ZEB2: variants seen among roughly 807,000 people sequenced by gnomAD.
ZEB2 encodes zinc finger E-box-binding homeobox 2.
Under a neutral mutation model 99.9 loss-of-function variants are expected in ZEB2, and 6 were observed. The ratio of observed to expected loss-of-function variants is 0.06; its 90% CI spans 0.03 to 0.12. The LOEUF (loss-of-function observed/expected upper bound fraction) is 0.12. Ranked by LOEUF, ZEB2 falls within the 10% of genes least tolerant of loss-of-function variation. The pLI is 1.00. For missense variants in ZEB2, 969 were observed against 1,502.8 expected, an observed-to-expected ratio of 0.64 and a Z score of 5.87; for synonymous variants, 517 against 542.5, an observed-to-expected ratio of 0.95 and a Z score of 0.65.
intron 4 of ZEB2, among the ~76,000 whole-genome samples, chr2:144,406,132 A>ACTAATTCT (rs909098549): frequency 6.6e-6 from 1 of 152,030 alleles, no homozygotes; most frequent in African/African-American, 2.4e-5. Context: ...CTCTTTGGCA[A>ACTAATTCT]CTGTGGCAGG....
Position 144,409,003 on chromosome 2 carries a change from T to C in ZEB2, c.404-3979A>G, listed in dbSNP as rs1431741318. 2.6e-5 allele frequency among the ~76,000 whole-genome samples: 4 copies of C among 152,122 alleles called. No individual in the cohort carries two copies. The East Asian group carries it at 5.8e-4, about 22-fold the overall frequency. On this transcript the variant is annotated intron_variant, in intron 4 of 9. Transcript: ENST00000627532. ...GGAATGAAGGAATTGTTATTTTCCA[T>C]CTAGAAAAAGAAGATTTATGAAGAG...
At chr2:144,404,783 T>C (rs1304284335) in intron 5 of ZEB2, 53 bp downstream of exon 5, 7 of 1,588,474 alleles carry the variant, frequency 4.4e-6, no homozygotes, top group Non-Finnish European at 5.2e-6. Flanking sequence ...GCATTTGTAA[T>C]TGTAACAGCT....
chr2:144,478,513 T>C (rs1401061889), intron 2 of ZEB2, among the ~76,000 whole-genome samples: 3 of 152,216 alleles, frequency 2.0e-5, no homozygotes, highest in Non-Finnish European at 4.4e-5. Flanking sequence ...AGCCTAACTT[T>C]CTTTAGGTTT....
At chr2:144,441,373 T>A (rs67710699) in intron 2 of ZEB2, among the ~76,000 whole-genome samples, 12,692 of 152,098 alleles carry the variant, frequency 0.083, 608 homozygotes, top group South Asian at 0.17. Flanking sequence ...CACTATTGAG[T>A]TCATCTGTGT....
chr2:144,429,455 G>A (rs1053526610), intron 3 of ZEB2: 4 of 369,040 alleles, frequency 1.1e-5, no homozygotes, highest in African/African-American at 8.3e-5. Context: ...TGAAAGTATA[G>A]ATCTTGATCA....
At chr2:144,519,721 GGA>G (rs1705234745) in intron 1 of ZEB2, 4 of 319,128 alleles carry the variant, frequency 1.3e-5, no homozygotes, top group South Asian at 2.6e-5. Context: ...AGAAAAGCAA[GGA>G]GAGAGAGTGT....
intron 2 of ZEB2, among the ~76,000 whole-genome samples, chr2:144,436,576 G>A (rs753080881): frequency 1.3e-5 from 2 of 152,206 alleles, no homozygotes; most frequent in Non-Finnish European, 2.9e-5. Flanking sequence ...GAAGATGGCA[G>A]CCACTCATTC....
intron 2 of ZEB2, among the ~76,000 whole-genome samples, chr2:144,472,987 GA>G (rs1011642189): frequency 1.3e-5 from 2 of 151,322 alleles, no homozygotes; most frequent in Non-Finnish European, 3.0e-5. Flanking sequence ...ATAGACAAGA[GA>G]AAAAAAAATT....
chr2:144,437,813 C>T (rs1256930783), intron 2 of ZEB2, among the ~76,000 whole-genome samples: 2 of 152,134 alleles, frequency 1.3e-5, no homozygotes, highest in Non-Finnish European at 2.9e-5. Flanking sequence ...AAAGGTTACA[C>T]AACTTTCAAA....
At chr2:144,513,755 G>A in intron 2 of ZEB2, 1 of 1,536,126 alleles carries the variant, frequency 6.5e-7, no homozygotes, top group Non-Finnish European at 8.7e-7. Context: ...GCAAGCAGCA[G>A]CAGGGCATCT....
intron 9 of ZEB2, among the ~76,000 whole-genome samples, chr2:144,393,692 C>T (rs1560603799): frequency 6.6e-6 from 1 of 152,134 alleles, no homozygotes. Flanking sequence ...GAACCTAATA[C>T]ACTGACAGTA....
chr2:144,478,188 T>C (rs1704457135), intron 2 of ZEB2, among the ~76,000 whole-genome samples: 1 of 152,196 alleles, frequency 6.6e-6, no homozygotes, highest in South Asian at 2.1e-4. Context: ...AAATACCTTA[T>C]TCATGACGGA....
At position 144,389,446 on chromosome 2, in the gene ZEB2, G is replaced by A; in HGVS notation, c.*5C>T. The A allele has an allele frequency of 6.2e-7, 1 of 1,614,048 alleles. No homozygotes were observed. Among genetic ancestry groups the A allele is most frequent in the Non-Finnish European group, 8.5e-7 (1 of 1,179,994 alleles). The stretch of plus-strand genomic sequence containing the variant: ...AAAATAGGAAGCTTAAAATGCAGTA[G>A]TTTATTACATGCCATCTTCCATATT... On this transcript the variant is annotated 3_prime_UTR_variant, in exon 10 of 10. Transcript: ENST00000627532. The surrounding 1 kb of genome is among the most constrained non-coding windows in gnomAD (Gnocchi z 6.8).
chr2:144,478,240 A>G (rs1560641342), intron 2 of ZEB2, among the ~76,000 whole-genome samples: 1 of 152,252 alleles, frequency 6.6e-6, no homozygotes, highest in Non-Finnish European at 1.5e-5. Context: ...AGGTGGCCTC[A>G]GAAGTGTTTA....
chr2:144,501,217 A>G lies in ZEB2; in HGVS notation c.73+16061T>C, dbSNP rs1231595437. Among the ~76,000 whole-genome samples, 4 of 152,294 alleles carry G rather than the reference A, an allele frequency of 2.6e-5. No homozygotes were observed. In the East Asian group the frequency reaches 5.8e-4, roughly 22 times the overall value. On this transcript the variant is annotated intron_variant, in intron 2 of 9. Coordinates refer to ENST00000627532, the MANE Select transcript of ZEB2 (RefSeq NM_014795.4). ...CTAGCCTAATGTCACACCCACTCCC[A>G]ATCTCAGGAACTTTCTCCATTAATA...
chr2:144,517,443 T>C, intron 1 of ZEB2, 24 bp from the exon 2 acceptor site: 1 of 1,495,234 alleles, frequency 6.7e-7, no homozygotes, highest in Non-Finnish European at 9.3e-7. Flanking sequence ...ACAGCGACAA[T>C]GTGGGCATCG....
At position 144,428,080 on chromosome 2, in the gene ZEB2, A is replaced by G. The variant is rs555397159; in HGVS notation, c.331+1689T>C. The stretch of plus-strand genomic sequence containing the variant: ...TTTTTTAAAAGAGGTTTGGGGCTGT[A>G]CATTTGTTACATTGTTATTAATTAT... On this transcript the variant is annotated intron_variant, in intron 3 of 9. Coordinates refer to ENST00000627532, the MANE Select transcript of ZEB2 (RefSeq NM_014795.4). 1.4e-3 allele frequency: 208 copies of G among 152,340 alleles called. 1 individual carries two copies. The highest frequency in any genetic ancestry group is 4.9e-3 in the African/African-American group (204 of 41,580). 9.4% of individuals were successfully genotyped at this position (152,340 alleles called of 1,614,324 possible).
chr2:144,395,174 T>A (rs987858043), intron 9 of ZEB2, among the ~76,000 whole-genome samples: 1 of 151,790 alleles, frequency 6.6e-6, no homozygotes. Flanking sequence ...TTTTAAAAAA[T>A]ATTTTGTAGA....
intron 9 of ZEB2, among the ~76,000 whole-genome samples, 158 bp from the exon 10 acceptor site, chr2:144,390,186 C>G (rs1044499028): frequency 2.0e-5 from 3 of 152,180 alleles, no homozygotes; most frequent in African/African-American, 7.2e-5. Flanking sequence ...TAGGAAGATG[C>G]ATTTCCATCC....
Sources: gnomAD v4.1 joint callset for allele counts (sites outside exome capture counted in the v4.1 genomes callset) on GRCh38, gnomAD v4.1.1 for gene constraint, Gnocchi (gnomAD v3.1) non-coding constraint, MANE v1.5 for transcripts, NCBI Gene and HGNC (gene_info 2026-07-23, HGNC 2026-07-21) for gene names.